ARNT2: variants seen among roughly 807,000 people sequenced by gnomAD.
The protein encoded by ARNT2 is ARNT protein 2.
Under a neutral mutation model 91.7 loss-of-function variants are expected in ARNT2, and 36 were observed. The observed-to-expected ratio is 0.39, with a 90% CI of 0.30 to 0.52. The LOEUF is 0.52. Among genes scored for constraint, ARNT2 ranks in the 20% least tolerant of loss-of-function variants. The probability of loss-of-function intolerance (pLI) is 0.72; values close to 1 mark genes in which losing one functional copy is unlikely to be tolerated. For synonymous variants in ARNT2, 365 were observed against 347.1 expected, an observed-to-expected ratio of 1.05 and a Z score of -0.57; for missense variants, 775 against 939.3, an observed-to-expected ratio of 0.83 and a Z score of 2.29.
chr15:80,493,113 G>A (rs1897079020), intron 5 of ARNT2, among the ~76,000 whole-genome samples: 1 of 152,218 alleles, frequency 6.6e-6, no homozygotes, highest in African/African-American at 2.4e-5. Context: ...GCAAAAGACT[G>A]AGAGAGCAAA....
At chr15:80,505,532 T>G (rs1897261690) in intron 5 of ARNT2, among the ~76,000 whole-genome samples, 1 of 152,270 alleles carries the variant, frequency 6.6e-6, no homozygotes, top group South Asian at 2.1e-4. Flanking sequence ...CACTTTGTAA[T>G]ATTAATTCAT....
chr15:80,437,263 G>A (rs952934960), intron 1 of ARNT2, among the ~76,000 whole-genome samples: 1 of 152,096 alleles, frequency 6.6e-6, no homozygotes, highest in African/African-American at 2.4e-5. Flanking sequence ...GTTACCTCTT[G>A]CCCCGACTTC....
At position 80,456,179 on chromosome 15, in the gene ARNT2, A is replaced by G. The variant is rs960329609; in HGVS notation, c.147-1750A>G. Among the ~76,000 whole-genome samples the G allele has an allele frequency of 4.6e-5, 7 of 152,304 alleles. 1 individual carries two copies. Reference sequence around the variant, plus strand: ...GCTCCCACTTGTCCACAACATCGGCAACTCTAAAGCTGCTGCCCGGTGCCT... The same window carrying G: ...GCTCCCACTTGTCCACAACATCGGCGACTCTAAAGCTGCTGCCCGGTGCCT... On this transcript the variant is annotated intron_variant, in intron 2 of 18. Transcript: ENST00000303329.
chr15:80,580,433 G>C lies in ARNT2; in HGVS notation c.1636G>C (p.Gly546Arg). 1 of 1,614,132 alleles carries C rather than the reference G, an allele frequency of 6.2e-7. No homozygotes were observed. Among genetic ancestry groups the C allele is most frequent in the Non-Finnish European group, 8.5e-7 (1 of 1,180,026 alleles). Residue 546 changes from glycine (G) to arginine (R), a missense_variant, in exon 16 of 19, where the codon GGA becomes CGA. By Grantham distance (125) the Gly-to-Arg change is moderately radical (BLOSUM62 -2). Coordinates refer to ENST00000303329, the MANE Select transcript of ARNT2 (RefSeq NM_014862.4). ...TAGCTCTTCAGTGGTTCATGTGCCTGGAGTGAATGATATTCAGTCCTCTTC... is the reference window on the plus strand; with the variant it reads ...TAGCTCTTCAGTGGTTCATGTGCCTCGAGTGAATGATATTCAGTCCTCTTC... ...AFSSSVVHVP[G>R]VNDIQSSSST...
In ARNT2 at chr15:80,594,652, T is replaced by C. The variant is rs1893342819; in HGVS notation, c.*954T>C. On this transcript the variant is annotated 3_prime_UTR_variant, in exon 19 of 19. Transcript: ENST00000303329. ...CCCAATTGGATCTGAATAGCTGTGT[T>C]CCTGATCCCACATAAGCATGTCTCA... 1 of 152,346 alleles carries C rather than the reference T, an allele frequency of 6.6e-6. No individual in the cohort carries two copies. Among genetic ancestry groups the C allele is most frequent in the Non-Finnish European group, 1.5e-5 (1 of 68,156 alleles). The allele number at this position is 152,346 out of a possible 1,614,324, so 9.4% of individuals were successfully genotyped here.
At chr15:80,586,531 C>G (rs564970891) in intron 17 of ARNT2, among the ~76,000 whole-genome samples, 11 of 152,272 alleles carry the variant, frequency 7.2e-5, no homozygotes, top group Non-Finnish European at 1.6e-4. Flanking sequence ...CAGCCTGCCC[C>G]ACCTAGCCCA....
chr15:80,443,101 G>A (rs1192135071), intron 1 of ARNT2: 4 of 893,450 alleles, frequency 4.5e-6, no homozygotes, highest in Non-Finnish European at 5.4e-6. Flanking sequence ...AGGCCTCCTT[G>A]AGGAGTGATA....
intron 12 of ARNT2, 99 bp downstream of exon 12, chr15:80,563,338 C>A: frequency 6.9e-7 from 1 of 1,458,264 alleles, no homozygotes; most frequent in Non-Finnish European, 9.5e-7. Context: ...TGCCGGCTCT[C>A]CCTGCAGCTG....
At chr15:80,584,375 G>A (rs530982323) in intron 17 of ARNT2, among the ~76,000 whole-genome samples, 63 of 152,306 alleles carry the variant, frequency 4.1e-4, no homozygotes, top group Non-Finnish European at 2.4e-4. Flanking sequence ...GCTGGGAGAA[G>A]AGGGCAGGCT....
intron 1 of ARNT2, among the ~76,000 whole-genome samples, chr15:80,441,808 T>C (rs570068285): frequency 6.6e-6 from 1 of 152,372 alleles, no homozygotes; most frequent in South Asian, 2.1e-4. Context: ...TGCTGCATTA[T>C]AAGCCAGATA....
chr15:80,409,650 C>T (rs189775012), intron 1 of ARNT2, among the ~76,000 whole-genome samples: 68 of 152,078 alleles, frequency 4.5e-4, no homozygotes, highest in Non-Finnish European at 4.3e-4. Flanking sequence ...GCTAGCAAGA[C>T]AAATAGTCAC....
At chr15:80,539,015 T>C (rs567437621) in intron 8 of ARNT2, among the ~76,000 whole-genome samples, 4 of 151,970 alleles carry the variant, frequency 2.6e-5, no homozygotes, top group African/African-American at 9.7e-5. Context: ...TCAAAAAAAA[T>C]TTTTTTTCTT....
intron 1 of ARNT2, among the ~76,000 whole-genome samples, chr15:80,432,385 G>C (rs948417635): frequency 1.3e-5 from 2 of 152,120 alleles, no homozygotes; most frequent in Non-Finnish European, 2.9e-5. Flanking sequence ...TGGGCCATGA[G>C]CTGAGAATAA....
intron 8 of ARNT2, among the ~76,000 whole-genome samples, chr15:80,524,745 G>A (rs935004437): frequency 6.6e-6 from 1 of 151,870 alleles, no homozygotes; most frequent in Non-Finnish European, 1.5e-5. Flanking sequence ...CGTGGTGGCG[G>A]GCGCCTGTAG....
intron 1 of ARNT2, among the ~76,000 whole-genome samples, chr15:80,420,154 A>G (rs1895842196): frequency 6.6e-6 from 1 of 151,954 alleles, no homozygotes; most frequent in South Asian, 2.1e-4. Context: ...TTTTTAGTTT[A>G]AAAAAAAGAC....
intron 17 of ARNT2, among the ~76,000 whole-genome samples, chr15:80,586,741 T>C (rs953233152): frequency 3.9e-4 from 59 of 150,158 alleles, no homozygotes; most frequent in Non-Finnish European, 7.7e-4. Context: ...TGGTGCGCGC[T>C]GAGGCAGGAG....
chr15:80,559,413 C>T (rs866728618), intron 11 of ARNT2, among the ~76,000 whole-genome samples: 32 of 152,316 alleles, frequency 2.1e-4, no homozygotes, highest in Middle Eastern at 6.8e-3. Context: ...CACCGCACCT[C>T]GGCCCCGTGC....
rs1393462118 is a variant in ARNT2 at position 80,404,729 on chromosome 15, A to G, written c.31+183A>G. 2.0e-5 allele frequency among the ~76,000 whole-genome samples: 3 copies of G among 151,588 alleles called. No individual in the cohort carries two copies. The highest frequency in any genetic ancestry group is 2.1e-4 in the South Asian group (1 of 4,798). On this transcript the variant is annotated intron_variant, in intron 1 of 18. Coordinates refer to ENST00000303329, the MANE Select transcript of ARNT2 (RefSeq NM_014862.4). The surrounding 1 kb of genome is among the most constrained non-coding windows in gnomAD (Gnocchi z 5.5). Reference sequence around the variant, plus strand: ...GCACCAGAGCGGCATCTGCATCCCAATCGCTGCCCATCCGGTCCCGGGCAG... The same window carrying G: ...GCACCAGAGCGGCATCTGCATCCCAGTCGCTGCCCATCCGGTCCCGGGCAG...
intron 5 of ARNT2, among the ~76,000 whole-genome samples, chr15:80,486,064 C>G (rs974498977): frequency 6.6e-6 from 1 of 152,184 alleles, no homozygotes; most frequent in Non-Finnish European, 1.5e-5. Flanking sequence ...CCATGGCTGT[C>G]TCCTAGCTCT....
Sources: allele counts gnomAD v4.1 joint callset (sites outside exome capture counted in the v4.1 genomes callset), GRCh38; gene constraint gnomAD v4.1.1; non-coding constraint Gnocchi (gnomAD v3.1); transcripts MANE v1.5; gene names NCBI Gene and HGNC (gene_info 2026-07-23, HGNC 2026-07-21).